SH2D4B: variants seen among roughly 807,000 people sequenced by gnomAD.
SH2D4B encodes the protein SH2 domain containing 4B.
In SH2D4B, 45 loss-of-function variants were observed where a neutral mutation model predicts 61.5. The observed-to-expected ratio is 0.73, with a 90% CI of 0.58 to 0.94. The LOEUF is 0.94. Ranked by LOEUF, SH2D4B falls within the 40% of genes least tolerant of loss-of-function variation. SH2D4B has a pLI of 0.00. For synonymous variants in SH2D4B, 224 were observed against 220.4 expected (o/e 1.02, Z -0.14); for missense variants, 572 against 574.2 (o/e 1.00, Z 0.04).
At chr10:80,562,062 C>T (rs375775985) in intron 1 of SH2D4B, among the ~76,000 whole-genome samples, 81 of 144,610 alleles carry the variant, frequency 5.6e-4, no homozygotes, top group African/African-American at 1.9e-3. Context: ...CACACACACA[C>T]ATATATAAAA....
chr10:80,638,277 G>C (rs1840224093), intron 7 of SH2D4B, among the ~76,000 whole-genome samples: 1 of 152,192 alleles, frequency 6.6e-6, no homozygotes, highest in Non-Finnish European at 1.5e-5. Flanking sequence ...CCAGGCTTTG[G>C]TATCAGGATG....
chr10:80,551,176 C>T (rs1841757062), intron 1 of SH2D4B, among the ~76,000 whole-genome samples: 1 of 152,200 alleles, frequency 6.6e-6, no homozygotes, highest in Admixed American at 6.5e-5. Flanking sequence ...CCTCAGCCTC[C>T]TGAGTAGCTG....
chr10:80,558,418 A>G (rs896173947), intron 1 of SH2D4B, among the ~76,000 whole-genome samples: 4 of 152,194 alleles, frequency 2.6e-5, no homozygotes, highest in Non-Finnish European at 5.9e-5. Context: ...CACCAGAGGA[A>G]ACTTTTTAAA....
intron 1 of SH2D4B, among the ~76,000 whole-genome samples, chr10:80,560,239 G>A (rs963758670): frequency 2.2e-4 from 34 of 151,710 alleles, no homozygotes; most frequent in African/African-American, 7.3e-4. Context: ...CACCTACCTC[G>A]GCCTCCCAAA....
chr10:80,603,072 T>C (rs149332469), intron 4 of SH2D4B, among the ~76,000 whole-genome samples: 5 of 152,196 alleles, frequency 3.3e-5, no homozygotes, highest in African/African-American at 1.2e-4. Flanking sequence ...CTTAGTGAGA[T>C]AATGCAGGGA....
chr10:80,618,381 G>T (rs1038513712), intron 6 of SH2D4B, among the ~76,000 whole-genome samples: 5 of 152,184 alleles, frequency 3.3e-5, no homozygotes, highest in Non-Finnish European at 5.9e-5. Flanking sequence ...GACATTCATA[G>T]GCATGGATAT....
intron 6 of SH2D4B, among the ~76,000 whole-genome samples, chr10:80,631,394 A>G (rs1249410110): frequency 1.3e-5 from 2 of 152,132 alleles, no homozygotes; most frequent in Non-Finnish European, 1.5e-5. Context: ...GACCACAGGC[A>G]TGTGCCACCA....
At chr10:80,609,292 T>G in intron 5 of SH2D4B, 132 bp from the exon 6 acceptor site, 13 of 634,204 alleles carry the variant, frequency 2.0e-5, no homozygotes, top group East Asian at 4.5e-5. Flanking sequence ...CCCTGCCCCT[T>G]CTTCCACCCC....
At chr10:80,617,703 G>A (rs1366580853) in intron 6 of SH2D4B, among the ~76,000 whole-genome samples, 5 of 152,202 alleles carry the variant, frequency 3.3e-5, no homozygotes, top group Non-Finnish European at 7.3e-5. Context: ...GATAGGTCTA[G>A]CTTCAGGCTT....
chr10:80,635,540 A>G (rs1273747454), intron 7 of SH2D4B, among the ~76,000 whole-genome samples: 3 of 152,218 alleles, frequency 2.0e-5, no homozygotes, highest in African/African-American at 7.2e-5. Flanking sequence ...CTTATGAATA[A>G]TACACATGGA....
chr10:80,551,432 A>G (rs1404347484), intron 1 of SH2D4B, among the ~76,000 whole-genome samples: 3 of 152,236 alleles, frequency 2.0e-5, no homozygotes, highest in African/African-American at 7.2e-5. Flanking sequence ...AAATAGAAAA[A>G]TATTTGCAAC....
chr10:80,551,862 T>A (rs1327039937), intron 1 of SH2D4B, among the ~76,000 whole-genome samples: 1 of 152,138 alleles, frequency 6.6e-6, no homozygotes, highest in Non-Finnish European at 1.5e-5. Flanking sequence ...CACTGAGTAG[T>A]TTAAACAACA....
At chr10:80,641,694 A>C (rs1378496658) in intron 7 of SH2D4B, among the ~76,000 whole-genome samples, 1 of 152,238 alleles carries the variant, frequency 6.6e-6, no homozygotes, top group African/African-American at 2.4e-5. Context: ...TTGTCCCTGG[A>C]AGTGTTTCAA....
chr10:80,630,672 C>T (rs980991160), intron 6 of SH2D4B, among the ~76,000 whole-genome samples: 1 of 152,182 alleles, frequency 6.6e-6, no homozygotes, highest in African/African-American at 2.4e-5. Flanking sequence ...TTACTCAGGT[C>T]ATCTTTTCCT....
At position 80,612,801 on chromosome 10, in the gene SH2D4B, T is replaced by C. The variant is rs546898962; in HGVS notation, c.988+3250T>C. ...GTTAAACATGACTACTCGAATGATTTCCTTCCCTTTCCTCAAACACATGTG... is the reference window on the plus strand; with the variant it reads ...GTTAAACATGACTACTCGAATGATTCCCTTCCCTTTCCTCAAACACATGTG... On this transcript the variant is annotated intron_variant, in intron 6 of 7. Transcript: ENST00000646907. Among the ~76,000 whole-genome samples the C allele has an allele frequency of 1.9e-4, 29 of 152,346 alleles. No homozygotes were observed. In the South Asian group the frequency reaches 5.0e-3, roughly 26 times the overall value.
At chr10:80,559,935 T>C (rs1198939676) in intron 1 of SH2D4B, among the ~76,000 whole-genome samples, 3 of 151,914 alleles carry the variant, frequency 2.0e-5, no homozygotes, top group Non-Finnish European at 4.4e-5. Flanking sequence ...TGTAACTATG[T>C]TGTTGAAATC....
At chr10:80,574,548 C>T (rs1275708205) in intron 3 of SH2D4B, among the ~76,000 whole-genome samples, 1 of 151,826 alleles carries the variant, frequency 6.6e-6, no homozygotes, top group Admixed American at 6.6e-5. Context: ...ATATTTGGAT[C>T]CACAGCCTGT....
At position 80,612,329 on chromosome 10, in the gene SH2D4B, C is replaced by T. The variant is rs551231509; in HGVS notation, c.988+2778C>T. 2.6e-5 allele frequency among the ~76,000 whole-genome samples: 4 copies of T among 152,156 alleles called. No homozygotes were observed. In the South Asian group the frequency reaches 8.3e-4, roughly 32 times the overall value. ...ACCAATTCCTACAGAGGCAGGTGGC[C>T]TGCACCAGTCTAATTTGTTAAGGAG... On this transcript the variant is annotated intron_variant, in intron 6 of 7. Transcript: ENST00000646907.
At chr10:80,615,154 G>A (rs1842646686) in intron 6 of SH2D4B, among the ~76,000 whole-genome samples, 1 of 152,234 alleles carries the variant, frequency 6.6e-6, no homozygotes, top group Non-Finnish European at 1.5e-5. Context: ...GGAAGGGGTT[G>A]GACAGGCTGG....
Sources: allele counts gnomAD v4.1 joint callset (sites outside exome capture counted in the v4.1 genomes callset), GRCh38; gene constraint gnomAD v4.1.1; transcripts MANE v1.5; gene names NCBI Gene and HGNC (gene_info 2026-07-23, HGNC 2026-07-21).